SHC2: variants seen among roughly 807,000 people sequenced by gnomAD.
SHC2 encodes the protein SHC adaptor protein 2.
In SHC2, 62 loss-of-function variants were observed where a neutral mutation model predicts 60.6. The observed-to-expected ratio is 1.02, with a 90% CI of 0.83 to 1.26. The LOEUF (loss-of-function observed/expected upper bound fraction) is 1.26. SHC2 is among the 50% of genes most tolerant of loss of function. The pLI is 0.00. For missense variants in SHC2, 873 were observed against 822.2 expected, an observed-to-expected ratio of 1.06 and a Z score of -0.76; for synonymous variants, 375 against 372.4, an observed-to-expected ratio of 1.01 and a Z score of -0.08.
chr19:425,016 G>A lies in SHC2; in HGVS notation c.1309+81C>T. ...CCCATCAGACCAGGGAATCCCGTAG[G>A]GAGTGGGGGTGGGGTTGTGCCTCCC... On this transcript the variant is annotated intron_variant, in intron 10 of 12. Coordinates refer to ENST00000264554, the MANE Select transcript of SHC2 (RefSeq NM_012435.3). This position sits in a 1 kb window ranked among gnomAD's most constrained non-coding sequence, Gnocchi z 4.1. 2 of 1,295,352 alleles carry A rather than the reference G, an allele frequency of 1.5e-6. No individual in the cohort carries two copies. The highest frequency in any genetic ancestry group is 2.8e-5 in the East Asian group (1 of 35,540). The allele number at this position is 1,295,352 out of a possible 1,614,324, so 80.2% of individuals were successfully genotyped here.
chr19:418,331 G>A (rs975584284), intron 12 of SHC2, among the ~76,000 whole-genome samples: 3 of 152,228 alleles, frequency 2.0e-5, no homozygotes, highest in Admixed American at 6.5e-5. Context: ...CACCACAGCC[G>A]ACCGCAGTGT....
At chr19:436,099 C>A in intron 7 of SHC2, 66 bp downstream of exon 7, 1 of 1,557,706 alleles carries the variant, frequency 6.4e-7, no homozygotes, top group Non-Finnish European at 8.7e-7. Flanking sequence ...GGAGGTGGAG[C>A]AGGCTCTGCA....
intron 1 of SHC2, among the ~76,000 whole-genome samples, chr19:442,767 GTGGA>G (rs1186043349): frequency 5.8e-5 from 6 of 103,170 alleles, no homozygotes; most frequent in African/African-American, 1.5e-4. Context: ...GAGTGGATGG[GTGGA>G]TGGATGGATG....
chr19:418,314 T>C (rs1411787397), intron 12 of SHC2, among the ~76,000 whole-genome samples: 1 of 152,188 alleles, frequency 6.6e-6, no homozygotes, highest in Non-Finnish European at 1.5e-5. Context: ...AAAGACCAGG[T>C]GACGCCCACC....
chr19:442,871 A>G (rs141926321), intron 1 of SHC2, among the ~76,000 whole-genome samples: 2,497 of 102,758 alleles, frequency 0.024, 242 homozygotes, highest in African/African-American at 0.11. Context: ...GGGTGGGTGG[A>G]TAGATGAGTG....
rs1974348903 is a variant in SHC2 at position 424,114 on chromosome 19, C to T, written c.1309+983G>A. ...GAGGCATCCTGAGCTCAGGCAAGGACCCTACCCGGCAGCTCAGAGCCAACA... is the reference window on the plus strand; with the variant it reads ...GAGGCATCCTGAGCTCAGGCAAGGATCCTACCCGGCAGCTCAGAGCCAACA... On this transcript the variant is annotated intron_variant, in intron 10 of 12. Coordinates refer to ENST00000264554, the MANE Select transcript of SHC2 (RefSeq NM_012435.3). The surrounding 1 kb of genome is among the most constrained non-coding windows in gnomAD (Gnocchi z 4.5). 6.6e-6 allele frequency among the ~76,000 whole-genome samples: 1 copy of T among 152,150 alleles called. No individual in the cohort carries two copies. Among genetic ancestry groups the T allele is most frequent in the South Asian group, 2.1e-4 (1 of 4,826 alleles).
intron 12 of SHC2, among the ~76,000 whole-genome samples, chr19:418,472 C>T (rs1302192150): frequency 1.3e-5 from 2 of 152,246 alleles, no homozygotes; most frequent in African/African-American, 4.8e-5. Flanking sequence ...CGTCCATCAG[C>T]GGATGAACAC....
At chr19:443,894 G>A (rs1404618581) in intron 1 of SHC2, among the ~76,000 whole-genome samples, 4 of 115,692 alleles carry the variant, frequency 3.5e-5, no homozygotes, top group Non-Finnish European at 5.3e-5. Context: ...GGATGGGTGG[G>A]TGGATGGATG....
intron 9 of SHC2, among the ~76,000 whole-genome samples, chr19:427,275 C>A (rs981462206): frequency 3.3e-5 from 5 of 152,230 alleles, no homozygotes; most frequent in Non-Finnish European, 7.4e-5. Context: ...ACTGCACAGC[C>A]GCCTCCAGGG....
In SHC2 at chr19:438,578, C is replaced by G; in HGVS notation, c.720+140G>C. On this transcript the variant is annotated intron_variant, in intron 4 of 12. Transcript: ENST00000264554. This position sits in a 1 kb window ranked among gnomAD's most constrained non-coding sequence, Gnocchi z 5.0. ...GAGGGCAGTGGCTGCACCCCCAGCT[C>G]CTGCTCAGCGGGGCCTCGGCTCGTC... is the stretch of plus-strand genomic sequence containing the variant. The G allele has an allele frequency of 2.0e-6, 2 of 1,022,044 alleles. No homozygotes were observed. The highest frequency in any genetic ancestry group is 2.8e-6 in the Non-Finnish European group (2 of 713,940). The allele number at this position is 1,022,044 out of a possible 1,614,324, so 63.3% of individuals were successfully genotyped here. A position where few individuals can be genotyped will look rare whatever the true frequency, so the allele number is the denominator to read the frequency against.
rs1227609289 is a variant in SHC2, at chr19:425,512, C to T, written c.1175-281G>A. Among the ~76,000 whole-genome samples the T allele has an allele frequency of 6.6e-6, 1 of 152,208 alleles. No homozygotes were observed. Among genetic ancestry groups the T allele is most frequent in the Non-Finnish European group, 1.5e-5 (1 of 68,038 alleles). On this transcript the variant is annotated intron_variant, in intron 9 of 12. Coordinates refer to ENST00000264554, the MANE Select transcript of SHC2 (RefSeq NM_012435.3). The surrounding 1 kb of genome is among the most constrained non-coding windows in gnomAD (Gnocchi z 4.1). ...CAGACGTCCACGCCCAGGGAGAAGGCAGCCGCTGCTCCACCCCACCCCGCC... is the reference window on the plus strand; with the variant it reads ...CAGACGTCCACGCCCAGGGAGAAGGTAGCCGCTGCTCCACCCCACCCCGCC...
At chr19:450,643 C>T (rs117355426) in intron 1 of SHC2, among the ~76,000 whole-genome samples, 5 of 152,338 alleles carry the variant, frequency 3.3e-5, no homozygotes, top group East Asian at 1.9e-4. Context: ...AAGGTCCGTC[C>T]GTGCCGTGGC....
At chr19:460,245 C>A (rs1340617760) in intron 1 of SHC2, among the ~76,000 whole-genome samples, 2 of 150,638 alleles carry the variant, frequency 1.3e-5, no homozygotes, top group African/African-American at 2.5e-5. Flanking sequence ...CTCGGCCTCG[C>A]CCGCCCAGTC....
intron 11 of SHC2, among the ~76,000 whole-genome samples, chr19:420,536 CT>C (rs1447977066): frequency 6.6e-6 from 1 of 152,230 alleles, no homozygotes; most frequent in Non-Finnish European, 1.5e-5. Context: ...TTGGAAAATG[CT>C]TTGTAAACCT....
intron 1 of SHC2, among the ~76,000 whole-genome samples, chr19:449,052 C>G (rs1019228800): frequency 3.9e-5 from 6 of 152,078 alleles, no homozygotes; most frequent in African/African-American, 1.4e-4. Context: ...CCTGTAGTCC[C>G]AGCTACTCGG....
chr19:429,776 C>T lies in SHC2; in HGVS notation c.1174+908G>A, dbSNP rs113875903. ...CGGAAACCTAACACCGTGTGGATGA[C>T]GCAGTACCTATACCCAACATGCACG... On this transcript the variant is annotated intron_variant, in intron 9 of 12. Coordinates refer to ENST00000264554, the MANE Select transcript of SHC2 (RefSeq NM_012435.3). Among the ~76,000 whole-genome samples, 1,017 of 149,368 alleles carry T rather than the reference C, an allele frequency of 6.8e-3. 8 individuals are homozygous for T. Among genetic ancestry groups the T allele is most frequent in the African/African-American group, 0.023 (941 of 40,244 alleles).
intron 9 of SHC2, among the ~76,000 whole-genome samples, chr19:426,405 GTC>G (rs1974418844): frequency 7.0e-6 from 1 of 142,064 alleles, no homozygotes; most frequent in Non-Finnish European, 1.5e-5. Context: ...GAGGGGCAGA[GTC>G]CGGGGAGGGA....
chr19:461,014 G>A lies in SHC2; in HGVS notation c.-18C>T. The A allele has an allele frequency of 1.1e-6, 1 of 890,880 alleles. No homozygotes were observed. The highest frequency in any genetic ancestry group is 1.3e-6 in the Non-Finnish European group (1 of 744,178). 55.2% of individuals were successfully genotyped at this position (890,880 alleles called of 1,614,324 possible). On this transcript the variant is annotated 5_prime_UTR_variant, in exon 1 of 13. Coordinates refer to ENST00000264554, the MANE Select transcript of SHC2 (RefSeq NM_012435.3). ...TGCGTCATGGCCGCGGCCGCCCGAC[G>A]GAGCCCGACCGGGCGCTGCGCCTGG...
intron 1 of SHC2, among the ~76,000 whole-genome samples, chr19:442,511 ATGGATGGATGGG>A (rs1974902299): frequency 1.7e-5 from 1 of 58,534 alleles, no homozygotes; most frequent in African/African-American, 8.0e-5. Context: ...GGACGGATGG[ATGGATGGATGGG>A]TGGGTGGATG....
Sources: gnomAD v4.1 joint callset for allele counts (sites outside exome capture counted in the v4.1 genomes callset) on GRCh38, gnomAD v4.1.1 for gene constraint, Gnocchi (gnomAD v3.1) non-coding constraint, MANE v1.5 for transcripts, NCBI Gene and HGNC (gene_info 2026-07-23, HGNC 2026-07-21) for gene names.